Variants in WDR41 observed in about 807,000 individuals in gnomAD.
WDR41 encodes WD repeat domain 41.
In WDR41, 63 loss-of-function variants were observed where a neutral mutation model predicts 69.3. The observed-to-expected ratio is 0.91, with a 90% CI of 0.74 to 1.12. The LOEUF (loss-of-function observed/expected upper bound fraction) is 1.12, where lower values mean the gene tolerates loss of function less well. Ranked by LOEUF, WDR41 falls within the 50% of genes most tolerant of loss-of-function variation. WDR41 has a pLI of 0.00. For missense variants in WDR41, 543 were observed against 534.5 expected, an observed-to-expected ratio of 1.02 and a Z score of -0.16; for synonymous variants, 185 against 192.1, an observed-to-expected ratio of 0.96 and a Z score of 0.31.
At chr5:77,448,974 C>T (rs1799514357) in intron 8 of WDR41, among the ~76,000 whole-genome samples, 1 of 152,126 alleles carries the variant, frequency 6.6e-6, no homozygotes, top group Non-Finnish European at 1.5e-5. Context: ...CTACATCATA[C>T]TCCCAAGCAG....
rs550129000 is a variant in WDR41, at chr5:77,470,984, C to G, written c.168-6175G>C. On this transcript the variant is annotated intron_variant, in intron 2 of 12. Coordinates refer to ENST00000296679, the MANE Select transcript of WDR41 (RefSeq NM_018268.4). ...TCAACAGAATATACATTCTTCTCAG[C>G]ATCACACCACACTTATTTCAATATT... 1.7e-4 allele frequency among the ~76,000 whole-genome samples: 26 copies of G among 152,324 alleles called. No homozygotes were observed. The East Asian group carries it at 3.9e-3, about 23-fold the overall frequency.
At chr5:77,479,678 T>G (rs1468865078) in intron 2 of WDR41, among the ~76,000 whole-genome samples, 12 of 152,142 alleles carry the variant, frequency 7.9e-5, no homozygotes, top group Admixed American at 7.9e-4. Context: ...CAATTCAAGA[T>G]GGATTAAAGA....
At position 77,545,970 on chromosome 5, in the gene WDR41, T is replaced by C. The variant is rs1253029405; in HGVS notation, c.43-56398A>G. 1.2e-5 allele frequency: 6 copies of C among 486,558 alleles called. No homozygotes were observed. In the South Asian group the frequency reaches 1.4e-4, roughly 11 times the overall value. 30.1% of individuals were successfully genotyped at this position (486,558 alleles called of 1,614,324 possible). A position where few individuals can be genotyped will look rare whatever the true frequency, so the allele number is the denominator to read the frequency against. The stretch of plus-strand genomic sequence containing the variant: ...CCGCTGTGGCTCCGTGCTGGTGACC[T>C]CATCCCTGTGCCCAGGAGCACTGGC... On this transcript the variant is annotated intron_variant, in intron 1 of 5. Coordinates refer to the WDR41 transcript ENST00000509971.
Position 77,597,489 on chromosome 5 carries a change from A to T in WDR41, c.42+22990T>A, listed in dbSNP as rs1196415180. ...AGTTTCATCAGAGTCGTGATTAGGC[A>T]AACTGTGGATGAAATTTCACAGTTC... On this transcript the variant is annotated intron_variant, in intron 1 of 5. Transcript: ENST00000509971. Among the ~76,000 whole-genome samples, 4 of 152,318 alleles carry T rather than the reference A, an allele frequency of 2.6e-5. No homozygotes were observed. The East Asian group carries it at 7.7e-4, about 29-fold the overall frequency.
At chr5:77,478,142 G>A (rs1801040531) in intron 2 of WDR41, among the ~76,000 whole-genome samples, 1 of 152,136 alleles carries the variant, frequency 6.6e-6, no homozygotes, top group African/African-American at 2.4e-5. Context: ...TTCAATCTCT[G>A]AATAGACCAA....
At chr5:77,453,528 G>GT (rs1799704443) in intron 6 of WDR41, among the ~76,000 whole-genome samples, 1 of 152,112 alleles carries the variant, frequency 6.6e-6, no homozygotes, top group Non-Finnish European at 1.5e-5. Flanking sequence ...CTGTAAAGTC[G>GT]TAAGGGTCTG....
At chr5:77,521,090 G>A (rs904550992) in intron 1 of WDR41, among the ~76,000 whole-genome samples, 2 of 151,862 alleles carry the variant, frequency 1.3e-5, no homozygotes, top group African/African-American at 4.8e-5. Context: ...GTCTCCTAAG[G>A]TTCCTTTTAA....
intron 1 of WDR41, among the ~76,000 whole-genome samples, chr5:77,620,047 A>G (rs1744751264): frequency 6.6e-6 from 1 of 152,164 alleles, no homozygotes; most frequent in African/African-American, 2.4e-5. Flanking sequence ...TATATAATAT[A>G]CAGTGTAAAT....
At chr5:77,513,487 C>G (rs1802240487) in intron 1 of WDR41, among the ~76,000 whole-genome samples, 1 of 152,140 alleles carries the variant, frequency 6.6e-6, no homozygotes, top group African/African-American at 2.4e-5. Flanking sequence ...GCCTTTTTTT[C>G]CAATTAGCAA....
chr5:77,439,616 G>A (rs1799081007), intron 9 of WDR41, among the ~76,000 whole-genome samples: 1 of 152,172 alleles, frequency 6.6e-6, no homozygotes, highest in Admixed American at 6.5e-5. Flanking sequence ...CATGAGCTTT[G>A]GAGGCAGCAT....
chr5:77,538,335 G>A (rs896253269), intron 1 of WDR41, among the ~76,000 whole-genome samples: 4 of 152,188 alleles, frequency 2.6e-5, no homozygotes, highest in African/African-American at 9.7e-5. Context: ...GGAAGTACAT[G>A]TGCAGGTTTG....
Position 77,601,090 on chromosome 5 carries a change from T to C in WDR41, c.42+19389A>G, listed in dbSNP as rs1561236219. 1.3e-5 allele frequency among the ~76,000 whole-genome samples: 2 copies of C among 152,066 alleles called. 1 individual carries two copies. The highest frequency in any genetic ancestry group is 4.1e-4 in the South Asian group (2 of 4,828). ...TTCTGGAAGTTCATAAAGATGACTA[T>C]GGGAAATGTTTCTCTTGAAACCAAA... On this transcript the variant is annotated intron_variant, in intron 1 of 5. Transcript: ENST00000509971.
At chr5:77,491,888 A>G (rs966626006) in intron 1 of WDR41, 4 of 484,004 alleles carry the variant, frequency 8.3e-6, no homozygotes, top group African/African-American at 8.2e-5. Flanking sequence ...ACTGCTGACC[A>G]GCTGAGCGTC....
At chr5:77,565,148 T>C (rs141101880) in intron 1 of WDR41, among the ~76,000 whole-genome samples, 94 of 152,250 alleles carry the variant, frequency 6.2e-4, no homozygotes, top group African/African-American at 2.2e-3. Context: ...CCAGGCTTAC[T>C]GAATCAGAAG....
At chr5:77,463,047 C>T (rs373037094) in intron 4 of WDR41, 48 bp downstream of exon 4, 6 of 1,591,558 alleles carry the variant, frequency 3.8e-6, no homozygotes, top group South Asian at 1.1e-5. Flanking sequence ...TATGTAGTGG[C>T]TCCTTAGGCC....
intron 1 of WDR41, among the ~76,000 whole-genome samples, chr5:77,558,455 A>G (rs1004741791): frequency 1.3e-5 from 2 of 152,226 alleles, no homozygotes; most frequent in Admixed American, 6.5e-5. Context: ...CGCATTCACC[A>G]AAAGAGCCTC....
intron 1 of WDR41, among the ~76,000 whole-genome samples, chr5:77,595,883 C>A (rs1490346080): frequency 6.6e-6 from 1 of 152,072 alleles, no homozygotes; most frequent in Non-Finnish European, 1.5e-5. Flanking sequence ...AGAAAATAGA[C>A]AATTTTGTGG....
At chr5:77,451,268 A>G in intron 7 of WDR41, 23 bp downstream of exon 7, 3 of 1,612,494 alleles carry the variant, frequency 1.9e-6, no homozygotes, top group South Asian at 1.1e-5. Context: ...AAAATACACA[A>G]AAAGAAAAAA....
chr5:77,594,841 T>C (rs1305724608), intron 1 of WDR41, among the ~76,000 whole-genome samples: 1 of 152,220 alleles, frequency 6.6e-6, no homozygotes, highest in Admixed American at 6.5e-5. Context: ...AGACAACATC[T>C]GAGGTTCCAA....
Sources: gnomAD v4.1 joint callset for allele counts (sites outside exome capture counted in the v4.1 genomes callset) on GRCh38, gnomAD v4.1.1 for gene constraint, MANE v1.5 for transcripts, NCBI Gene and HGNC (gene_info 2026-07-23, HGNC 2026-07-21) for gene names.